Variants in EXOC4 observed in about 807,000 individuals in gnomAD.
EXOC4 encodes the protein SEC8-like 1.
A neutral mutation model predicts 107.2 loss-of-function variants in EXOC4; 71 were observed. That is an observed-to-expected ratio of 0.66 (90% CI 0.55 to 0.81). The LOEUF is 0.81. Among genes scored for constraint, EXOC4 ranks in the 30% least tolerant of loss-of-function variants. The probability of loss-of-function intolerance (pLI) is 0.00; values close to 1 mark genes in which losing one functional copy is unlikely to be tolerated. For missense variants in EXOC4, 1,108 were observed against 1,189.6 expected (o/e 0.93, Z 1.01); for synonymous variants, 456 against 441.2 (o/e 1.03, Z -0.42).
At chr7:133,419,391 T>C (rs1380299916) in intron 7 of EXOC4, among the ~76,000 whole-genome samples, 1 of 152,128 alleles carries the variant, frequency 6.6e-6, no homozygotes, top group Non-Finnish European at 1.5e-5. Context: ...ATTCTTCAAG[T>C]TGGTATTCAT....
chr7:134,048,396 GT>G (rs1169463248), intron 17 of EXOC4, among the ~76,000 whole-genome samples: 1 of 152,194 alleles, frequency 6.6e-6, no homozygotes, highest in African/African-American at 2.4e-5. Flanking sequence ...TATAAGCTAA[GT>G]TTCTCTCAAA....
intron 9 of EXOC4, among the ~76,000 whole-genome samples, chr7:133,540,315 G>A (rs891962173): frequency 7.2e-5 from 11 of 151,984 alleles, no homozygotes; most frequent in African/African-American, 2.7e-4. Flanking sequence ...TCCAGCCCTG[G>A]AATACTGTTG....
chr7:133,773,464 T>TTTATTATTATTATTATTATTA lies in EXOC4; in HGVS notation c.1515-43852_1515-43832dup, dbSNP rs141227227. Among the ~76,000 whole-genome samples, 1,216 of 149,266 alleles carry TTTATTATTATTATTATTATTA rather than the reference T, an allele frequency of 8.1e-3. 17 individuals carry two copies. The highest frequency in any genetic ancestry group is 0.028 in the African/African-American group (1,150 of 40,434). Reference sequence around the variant, plus strand: ...TGTTAATCTGTGTATTTACTAGGTTTTTATTATTATTATTATTATTATTAT... The same window carrying TTTATTATTATTATTATTATTA: ...TGTTAATCTGTGTATTTACTAGGTTTTTATTATTATTATTATTATTATTATTATTATTATTATTATTATTAT... On this transcript the variant is annotated intron_variant, in intron 10 of 17. Transcript: ENST00000253861.
intron 1 of EXOC4, among the ~76,000 whole-genome samples, chr7:133,262,353 T>C (rs898683150): frequency 6.6e-6 from 1 of 151,676 alleles, no homozygotes; most frequent in Non-Finnish European, 1.5e-5. Context: ...CCTTGGTCCT[T>C]ATAGTGGCCA....
intron 14 of EXOC4, among the ~76,000 whole-genome samples, chr7:133,987,161 A>T (rs1184366371): frequency 6.6e-6 from 1 of 152,174 alleles, no homozygotes; most frequent in Non-Finnish European, 1.5e-5. Flanking sequence ...ACTGAAGATT[A>T]AAAATTAAAT....
chr7:133,444,316 C>T (rs1798169575), intron 7 of EXOC4, among the ~76,000 whole-genome samples: 1 of 152,136 alleles, frequency 6.6e-6, no homozygotes, highest in African/African-American at 2.4e-5. Flanking sequence ...CTTTATTCTT[C>T]CTGAATCTCC....
At chr7:133,472,627 A>T (rs1798906211) in intron 7 of EXOC4, among the ~76,000 whole-genome samples, 1 of 152,204 alleles carries the variant, frequency 6.6e-6, no homozygotes, top group Admixed American at 6.5e-5. Context: ...TGAGGAATAA[A>T]TCACATTGTG....
At chr7:134,084,709 T>TAAAAAAAAAAAAAAAAA in the EXOC4 span, among the ~76,000 whole-genome samples, 9 of 83,172 alleles carry the variant, frequency 1.1e-4, no homozygotes, top group African/African-American at 4.5e-4. Flanking sequence ...GGTGCAGCCG[T>TAAAAAAAAAAAAAAAAA]AAAAAAAAAA....
chr7:134,035,523 A>C (rs774030337), intron 17 of EXOC4, among the ~76,000 whole-genome samples: 1 of 152,218 alleles, frequency 6.6e-6, no homozygotes, highest in Non-Finnish European at 1.5e-5. Context: ...GCAGTATTAC[A>C]GATGAGCCAT....
intron 11 of EXOC4, among the ~76,000 whole-genome samples, chr7:133,830,958 G>GT (rs1259128644): frequency 6.6e-6 from 1 of 151,180 alleles, no homozygotes; most frequent in Non-Finnish European, 1.5e-5. Flanking sequence ...GACCTTGACA[G>GT]TTTTTTTGTT....
At chr7:133,704,029 T>C (rs1794718141) in intron 10 of EXOC4, among the ~76,000 whole-genome samples, 2 of 152,244 alleles carry the variant, frequency 1.3e-5, no homozygotes, top group African/African-American at 4.8e-5. Context: ...GAGCTTTGCT[T>C]GTTTCATCAT....
intron 9 of EXOC4, among the ~76,000 whole-genome samples, chr7:133,482,680 T>C (rs1444158625): frequency 1.3e-5 from 2 of 152,124 alleles, no homozygotes; most frequent in Non-Finnish European, 1.5e-5. Context: ...TTTCTCTAAA[T>C]GGGAATAAAA....
chr7:133,789,033 C>G lies in EXOC4; in HGVS notation c.1515-28292C>G, dbSNP rs1796649239. Among the ~76,000 whole-genome samples the G allele has an allele frequency of 2.0e-5, 3 of 152,214 alleles. No individual in the cohort carries two copies. In the South Asian group the frequency reaches 6.2e-4, roughly 31 times the overall value. On this transcript the variant is annotated intron_variant, in intron 10 of 17. Coordinates refer to ENST00000253861, the MANE Select transcript of EXOC4 (RefSeq NM_021807.4). ...TCTCATCTCCATTATTTTGCAATGT[C>G]TCCTATCGGACACTTTTTACTAATT...
At chr7:133,982,507 A>G (rs914218385) in intron 14 of EXOC4, among the ~76,000 whole-genome samples, 8 of 152,158 alleles carry the variant, frequency 5.3e-5, no homozygotes, top group African/African-American at 1.9e-4. Flanking sequence ...AGCCGAGATC[A>G]TGCCACTGCA....
intron 10 of EXOC4, among the ~76,000 whole-genome samples, chr7:133,672,714 A>G (rs1448099140): frequency 6.6e-6 from 1 of 152,162 alleles, no homozygotes; most frequent in African/African-American, 2.4e-5. Flanking sequence ...GGAAGACCAA[A>G]AGAAATCAGT....
intron 3 of EXOC4, among the ~76,000 whole-genome samples, chr7:133,299,358 C>T (rs765136404): frequency 2.0e-5 from 3 of 151,964 alleles, no homozygotes; most frequent in Non-Finnish European, 2.9e-5. Context: ...CTGTGAGGCT[C>T]AGGCTGATAG....
At chr7:133,701,023 G>A (rs1794645254) in intron 10 of EXOC4, among the ~76,000 whole-genome samples, 1 of 152,020 alleles carries the variant, frequency 6.6e-6, no homozygotes, top group Non-Finnish European at 1.5e-5. Context: ...GTAATAAATA[G>A]AAAAGACCAG....
At chr7:133,896,804 T>A (rs1033750743) in intron 12 of EXOC4, among the ~76,000 whole-genome samples, 2 of 144,514 alleles carry the variant, frequency 1.4e-5, no homozygotes, top group Non-Finnish European at 3.0e-5. Flanking sequence ...TAGCTGGGAC[T>A]ACAGGTGCGC....
intron 2 of EXOC4, among the ~76,000 whole-genome samples, chr7:133,276,229 C>G (rs1212941508): frequency 6.6e-6 from 1 of 151,836 alleles, no homozygotes; most frequent in Non-Finnish European, 1.5e-5. Context: ...CCTTTAGTAC[C>G]TAAAGGATAA....
Sources: gnomAD v4.1 joint callset for allele counts (sites outside exome capture counted in the v4.1 genomes callset) on GRCh38, gnomAD v4.1.1 for gene constraint, MANE v1.5 for transcripts, NCBI Gene and HGNC (gene_info 2026-07-23, HGNC 2026-07-21) for gene names.